ADGRL3: variants seen among roughly 807,000 people sequenced by gnomAD.
ADGRL3 encodes adhesion G protein-coupled receptor L3.
Under a neutral mutation model 153.5 loss-of-function variants are expected in ADGRL3, and 62 were observed. The ratio of observed to expected loss-of-function variants is 0.40; its 90% confidence interval spans 0.33 to 0.50. The LOEUF (loss-of-function observed/expected upper bound fraction) is 0.50. Ranked by LOEUF, ADGRL3 falls within the 20% of genes least tolerant of loss-of-function variation. The pLI is 0.47. For synonymous variants in ADGRL3, 710 were observed against 672.5 expected (o/e 1.06, Z -0.86); for missense variants, 1,641 against 1,859.4 (o/e 0.88, Z 2.16).
At position 61,892,205 on chromosome 4, in the gene ADGRL3, C is replaced by G. The variant is rs143392742; in HGVS notation, c.1481-451C>G. On this transcript the variant is annotated intron_variant, in intron 9 of 26. Transcript: ENST00000683033. ...TCCTTTTTTTTTTTTTGTCCTCTCACCTATTTGCTGCATATTTAGAAATCC... is the reference window on the plus strand; with the variant it reads ...TCCTTTTTTTTTTTTTGTCCTCTCAGCTATTTGCTGCATATTTAGAAATCC... Among the ~76,000 whole-genome samples the G allele has an allele frequency of 4.6e-3, 693 of 149,666 alleles. 4 individuals are homozygous for G. Among genetic ancestry groups the G allele is most frequent in the African/African-American group, 0.016 (672 of 40,888 alleles).
intron 4 of ADGRL3, among the ~76,000 whole-genome samples, chr4:61,540,951 GAA>G: frequency 6.8e-6 from 1 of 148,096 alleles, no homozygotes; most frequent in African/African-American, 2.5e-5. Context: ...TTCCCCAAAA[GAA>G]AAAAAAAATA....
intron 21 of ADGRL3, among the ~76,000 whole-genome samples, chr4:62,015,860 AC>A (rs1232358883): frequency 6.6e-6 from 1 of 151,362 alleles, no homozygotes; most frequent in Non-Finnish European, 1.5e-5. Context: ...CAAGTCTGTT[AC>A]CTCTCTGTTA....
chr4:61,506,681 C>CTT (rs2098432081), intron 3 of ADGRL3, among the ~76,000 whole-genome samples: 2 of 152,104 alleles, frequency 1.3e-5, no homozygotes, highest in Non-Finnish European at 2.9e-5. Context: ...GACAGATACA[C>CTT]CCTCACTTTG....
chr4:61,973,695 AT>A (rs200848110), intron 17 of ADGRL3, among the ~76,000 whole-genome samples: 76 of 149,696 alleles, frequency 5.1e-4, no homozygotes, highest in African/African-American at 1.3e-3. Context: ...TATTTTGTTT[AT>A]TTTTTTTTAA....
rs2097525758 is a variant in ADGRL3 at position 61,441,300 on chromosome 4, C to T, written c.-173-55821C>T. ...CTTAATTATTCAAACTTACAACATA[C>T]TCTTTGTCACCACCACCTCCTCATT... On this transcript the variant is annotated intron_variant, in intron 2 of 26. Coordinates refer to ENST00000683033, the MANE Select transcript of ADGRL3 (RefSeq NM_001387552.1). Among the ~76,000 whole-genome samples the T allele has an allele frequency of 2.0e-5, 3 of 152,120 alleles. No individual in the cohort carries two copies. In the South Asian group the frequency reaches 6.2e-4, roughly 32 times the overall value.
At chr4:61,726,741 T>C (rs1231020979) in intron 6 of ADGRL3, among the ~76,000 whole-genome samples, 1 of 152,096 alleles carries the variant, frequency 6.6e-6, no homozygotes. Flanking sequence ...ACTATTACAT[T>C]GCAAGGAAAA....
At chr4:62,001,854 G>A (rs180842870) in intron 21 of ADGRL3, among the ~76,000 whole-genome samples, 1 of 152,132 alleles carries the variant, frequency 6.6e-6, no homozygotes, top group African/African-American at 2.4e-5. Context: ...GAACAAGACA[G>A]GCCCCCTTGT....
chr4:61,358,314 T>C (rs913593296), intron 1 of ADGRL3, among the ~76,000 whole-genome samples: 7 of 152,136 alleles, frequency 4.6e-5, no homozygotes, highest in Admixed American at 3.3e-4. Context: ...AGCAGACCAT[T>C]GGGCCGGGAG....
At chr4:61,840,845 C>T (rs114253711) in intron 9 of ADGRL3, among the ~76,000 whole-genome samples, 2,214 of 152,202 alleles carry the variant, frequency 0.015, 55 homozygotes, top group African/African-American at 0.051. Context: ...GGAAAGTTTC[C>T]TTCTTTGGCA....
At chr4:61,774,577 T>A (rs148790048) in intron 8 of ADGRL3, among the ~76,000 whole-genome samples, 2,496 of 152,180 alleles carry the variant, frequency 0.016, 34 homozygotes, top group Middle Eastern at 0.031. Flanking sequence ...CCATTTTATA[T>A]CAGGGACTTA....
chr4:61,982,450 G>A (rs1398912910), intron 18 of ADGRL3, among the ~76,000 whole-genome samples: 1 of 152,008 alleles, frequency 6.6e-6, no homozygotes, highest in African/African-American at 2.4e-5. Context: ...CTGCCCTTTT[G>A]TCTCATTTCA....
intron 19 of ADGRL3, among the ~76,000 whole-genome samples, chr4:61,994,268 C>G (rs1444014111): frequency 6.6e-6 from 1 of 152,102 alleles, no homozygotes; most frequent in East Asian, 1.9e-4. Context: ...CCACTTCAGC[C>G]TCTCGAGTAG....
intron 1 of ADGRL3, among the ~76,000 whole-genome samples, chr4:61,230,194 G>A (rs1229148783): frequency 6.6e-6 from 1 of 152,174 alleles, no homozygotes; most frequent in Non-Finnish European, 1.5e-5. Context: ...GATCACGGCT[G>A]TCTGCTAGAA....
chr4:61,384,909 G>A (rs1358390768), intron 2 of ADGRL3, among the ~76,000 whole-genome samples: 3 of 152,098 alleles, frequency 2.0e-5, no homozygotes, highest in African/African-American at 2.4e-5. Context: ...TGGGGCAAGA[G>A]TGGAATGAAA....
At chr4:61,435,281 AT>A (rs1287572770) in intron 2 of ADGRL3, among the ~76,000 whole-genome samples, 5 of 152,048 alleles carry the variant, frequency 3.3e-5, no homozygotes, top group African/African-American at 1.2e-4. Flanking sequence ...ATTCATAAAA[AT>A]TTTTTGTAAT....
At position 61,200,501 on chromosome 4, in the gene ADGRL3, GCGCCGCCGCCGC is replaced by G. The variant is rs35918477; in HGVS notation, c.-1491_-1480del. 1.2e-4 allele frequency among the ~76,000 whole-genome samples: 18 copies of G among 150,318 alleles called. No homozygotes were observed. Among genetic ancestry groups the G allele is most frequent in the African/African-American group, 2.9e-4 (12 of 40,810 alleles). ...CAGATGCTGCAGCTGGTCGGGGTGG[GCGCCGCCGCCGC>G]CGCCGCCGCCGCTGCTGCTGGTTTT... On this transcript the variant is annotated 5_prime_UTR_variant, in exon 1 of 27. Coordinates refer to ENST00000683033, the MANE Select transcript of ADGRL3 (RefSeq NM_001387552.1).
At chr4:61,675,535 CAT>C (rs2095157429) in intron 5 of ADGRL3, among the ~76,000 whole-genome samples, 1 of 151,414 alleles carries the variant, frequency 6.6e-6, no homozygotes, top group South Asian at 2.1e-4. Flanking sequence ...TTAATTTCAA[CAT>C]GTTTGTTTTT....
At chr4:61,500,740 T>C (rs1287307855) in intron 3 of ADGRL3, among the ~76,000 whole-genome samples, 2 of 152,218 alleles carry the variant, frequency 1.3e-5, no homozygotes, top group Admixed American at 6.5e-5. Flanking sequence ...CCATAAACTT[T>C]AGATGTTTTA....
chr4:61,798,786 T>A (rs958742547), intron 8 of ADGRL3, among the ~76,000 whole-genome samples: 1 of 150,770 alleles, frequency 6.6e-6, no homozygotes, highest in African/African-American at 2.4e-5. Context: ...CACAGCTAAT[T>A]TTTTATGTTT....
Sources: allele counts gnomAD v4.1 joint callset (sites outside exome capture counted in the v4.1 genomes callset), GRCh38; gene constraint gnomAD v4.1.1; transcripts MANE v1.5; gene names NCBI Gene and HGNC (gene_info 2026-07-23, HGNC 2026-07-21).